SH3RF3: variants seen among roughly 807,000 people sequenced by gnomAD.
SH3RF3 encodes E3 ubiquitin-protein ligase SH3RF3.
A neutral mutation model predicts 66.3 loss-of-function variants in SH3RF3; 29 were observed. The ratio of observed to expected loss-of-function variants is 0.44; its 90% confidence interval spans 0.33 to 0.60. The LOEUF (loss-of-function observed/expected upper bound fraction) is 0.60, where lower values mean the gene tolerates loss of function less well. Ranked by LOEUF, SH3RF3 falls within the 20% of genes least tolerant of loss-of-function variation. The pLI is 0.04. For missense variants in SH3RF3, 1,194 were observed against 1,190.9 expected, an observed-to-expected ratio of 1.00 and a Z score of -0.04; for synonymous variants, 583 against 532.0, an observed-to-expected ratio of 1.10 and a Z score of -1.32.
At chr2:109,170,312 CTCTCCTCT>C in intron 1 of SH3RF3, among the ~76,000 whole-genome samples, 1 of 133,540 alleles carries the variant, frequency 7.5e-6, no homozygotes, top group African/African-American at 2.8e-5. Context: ...CTCTTCTCTT[CTCTCCTCT>C]CTCTCTCTCC....
intron 1 of SH3RF3, among the ~76,000 whole-genome samples, chr2:109,211,851 C>T (rs1215842156): frequency 6.6e-6 from 1 of 152,148 alleles, no homozygotes; most frequent in East Asian, 1.9e-4. Context: ...CCATGTTGGC[C>T]AGGCTGGTTT....
Position 109,138,130 on chromosome 2 carries a change from C to T in SH3RF3, c.573+8017C>T, listed in dbSNP as rs1320421020. Among the ~76,000 whole-genome samples, 27 of 152,218 alleles carry T rather than the reference C, an allele frequency of 1.8e-4. 1 individual carries two copies. The highest frequency in any genetic ancestry group is 4.4e-5 in the Non-Finnish European group (3 of 68,040). On this transcript the variant is annotated intron_variant, in intron 1 of 9. Transcript: ENST00000309415. Reference sequence around the variant, plus strand: ...TCCAGGGTTCAAGCTATTCTTCTGCCTCAGCCTCCCAAGTGGCTGGGACTA... The same window carrying T: ...TCCAGGGTTCAAGCTATTCTTCTGCTTCAGCCTCCCAAGTGGCTGGGACTA...
chr2:109,482,361 A>G (rs1425516618), intron 8 of SH3RF3, among the ~76,000 whole-genome samples: 2 of 152,168 alleles, frequency 1.3e-5, no homozygotes, highest in African/African-American at 2.4e-5. Context: ...CAGTTCAGGA[A>G]CTTGTTCAAG....
At chr2:109,343,188 G>C (rs1271878777) in intron 1 of SH3RF3, among the ~76,000 whole-genome samples, 2 of 152,106 alleles carry the variant, frequency 1.3e-5, no homozygotes, top group Non-Finnish European at 2.9e-5. Context: ...CCCCATAATA[G>C]CATCTGCCTG....
chr2:109,423,957 C>A (rs1171447409), intron 5 of SH3RF3, among the ~76,000 whole-genome samples: 1 of 151,966 alleles, frequency 6.6e-6, no homozygotes, highest in Non-Finnish European at 1.5e-5. Flanking sequence ...GAGAGAGTCT[C>A]TGGATGACAT....
chr2:109,194,051 C>T (rs923520636), intron 1 of SH3RF3, among the ~76,000 whole-genome samples: 2 of 152,190 alleles, frequency 1.3e-5, no homozygotes, highest in African/African-American at 2.4e-5. Flanking sequence ...TGTGTGTGTG[C>T]ACAGTGTGCC....
intron 1 of SH3RF3, among the ~76,000 whole-genome samples, chr2:109,241,373 A>G (rs976859786): frequency 6.6e-6 from 1 of 152,060 alleles, no homozygotes; most frequent in Non-Finnish European, 1.5e-5. Context: ...TTGCTGTGGG[A>G]CCCTCTCCCC....
chr2:109,305,438 G>T (rs1681568661), intron 1 of SH3RF3, among the ~76,000 whole-genome samples: 1 of 152,118 alleles, frequency 6.6e-6, no homozygotes, highest in Non-Finnish European at 1.5e-5. Flanking sequence ...CTATTTCCCT[G>T]TCTCCAGCCC....
intron 6 of SH3RF3, among the ~76,000 whole-genome samples, chr2:109,433,080 T>G (rs1487327777): frequency 2.0e-5 from 3 of 152,230 alleles, no homozygotes; most frequent in Non-Finnish European, 1.5e-5. Flanking sequence ...TTTGTGCATG[T>G]GTGCAGAGTA....
intron 3 of SH3RF3, among the ~76,000 whole-genome samples, chr2:109,396,456 C>T (rs1312702202): frequency 1.3e-5 from 2 of 152,208 alleles, no homozygotes; most frequent in African/African-American, 4.8e-5. Context: ...GCAGCTGGAA[C>T]CTGCAGCCAC....
chr2:109,356,341 C>G (rs761514144), intron 2 of SH3RF3, among the ~76,000 whole-genome samples: 3 of 152,162 alleles, frequency 2.0e-5, no homozygotes, highest in Non-Finnish European at 2.9e-5. Flanking sequence ...GAAGAGATGC[C>G]TGCTGCCAGG....
intron 3 of SH3RF3, among the ~76,000 whole-genome samples, chr2:109,378,003 C>G (rs1255905621): frequency 2.0e-5 from 3 of 152,254 alleles, no homozygotes; most frequent in Non-Finnish European, 4.4e-5. Flanking sequence ...TAGTGAGCAG[C>G]TCCGCCGTGT....
intron 2 of SH3RF3, among the ~76,000 whole-genome samples, chr2:109,352,368 T>C (rs111491160): frequency 0.013 from 1,913 of 152,284 alleles, 41 homozygotes; most frequent in African/African-American, 0.039. Context: ...GCTTTTACTT[T>C]CCTGGTGGCT....
intron 1 of SH3RF3, among the ~76,000 whole-genome samples, chr2:109,195,607 G>A (rs530038735): frequency 2.6e-5 from 4 of 152,282 alleles, no homozygotes; most frequent in Middle Eastern, 3.4e-3. Context: ...TTTTTGCATC[G>A]TTTTCTGGAA....
intron 3 of SH3RF3, among the ~76,000 whole-genome samples, chr2:109,384,692 C>T (rs1046684988): frequency 2.8e-4 from 43 of 152,160 alleles, no homozygotes; most frequent in African/African-American, 1.0e-3. Flanking sequence ...CCTAAGCCCA[C>T]CCCCGCTTTG....
chr2:109,371,821 A>T, intron 3 of SH3RF3, 140 bp downstream of exon 3: 1 of 730,826 alleles, frequency 1.4e-6, no homozygotes, highest in African/African-American at 1.8e-5. Context: ...GAGAGCTGCT[A>T]TGTGTGGGCT....
At chr2:109,480,845 T>A (rs2104762454) in intron 8 of SH3RF3, among the ~76,000 whole-genome samples, 1 of 152,298 alleles carries the variant, frequency 6.6e-6, no homozygotes, top group Middle Eastern at 3.4e-3. Flanking sequence ...CGGTTCGCTG[T>A]TCTCTAGCTT....
chr2:109,188,973 A>G (rs1050786677), intron 1 of SH3RF3, among the ~76,000 whole-genome samples: 4 of 150,928 alleles, frequency 2.7e-5, no homozygotes, highest in Non-Finnish European at 5.9e-5. Context: ...TACTCTTTTC[A>G]TCTTGTGAAA....
intron 7 of SH3RF3, among the ~76,000 whole-genome samples, chr2:109,437,628 G>A (rs1273254663): frequency 6.6e-6 from 1 of 152,188 alleles, no homozygotes; most frequent in African/African-American, 2.4e-5. Flanking sequence ...GGGCTGGGGT[G>A]AGACTCGGGC....
Sources: allele counts gnomAD v4.1 joint callset (sites outside exome capture counted in the v4.1 genomes callset), GRCh38; gene constraint gnomAD v4.1.1; transcripts MANE v1.5; gene names NCBI Gene and HGNC (gene_info 2026-07-23, HGNC 2026-07-21).